The following INPP4B variants were observed in gnomAD, a reference collection of about 807,000 sequenced individuals.
INPP4B encodes inositol polyphosphate-4-phosphatase type II B.
Under a neutral mutation model 122.5 loss-of-function variants are expected in INPP4B, and 55 were observed. The ratio of observed to expected loss-of-function variants is 0.45; its 90% CI spans 0.36 to 0.56. INPP4B has a LOEUF of 0.56. Ranked by LOEUF, INPP4B falls within the 20% of genes least tolerant of loss-of-function variation. The probability of loss-of-function intolerance (pLI) is 0.00; values close to 1 mark genes in which losing one functional copy is unlikely to be tolerated. For synonymous variants in INPP4B, 403 were observed against 388.7 expected, an observed-to-expected ratio of 1.04 and a Z score of -0.43; for missense variants, 1,000 against 1,097.7, an observed-to-expected ratio of 0.91 and a Z score of 1.26.
intron 7 of INPP4B, among the ~76,000 whole-genome samples, chr4:142,362,426 A>G (rs901806571): frequency 5.9e-5 from 9 of 152,020 alleles, no homozygotes; most frequent in Non-Finnish European, 8.8e-5. Flanking sequence ...AGGATATGGT[A>G]TCTTACATAA....
chr4:142,640,064 C>A (rs1750047668), intron 2 of INPP4B, among the ~76,000 whole-genome samples: 1 of 151,998 alleles, frequency 6.6e-6, no homozygotes, highest in Non-Finnish European at 1.5e-5. Flanking sequence ...CATAGGAATA[C>A]TAACCTAGAA....
chr4:142,479,758 T>C (rs1820275266), intron 2 of INPP4B, among the ~76,000 whole-genome samples: 1 of 152,040 alleles, frequency 6.6e-6, no homozygotes, highest in Non-Finnish European at 1.5e-5. Flanking sequence ...AAGCTAAATA[T>C]TGAGTACACG....
intron 2 of INPP4B, among the ~76,000 whole-genome samples, chr4:142,587,170 G>A (rs1490811467): frequency 1.3e-5 from 2 of 152,158 alleles, no homozygotes; most frequent in African/African-American, 4.8e-5. Context: ...AGGGAACACA[G>A]AGGGTTATCC....
chr4:142,264,020 C>T (rs375805019), intron 10 of INPP4B, among the ~76,000 whole-genome samples: 6 of 151,942 alleles, frequency 3.9e-5, no homozygotes, highest in East Asian at 3.9e-4. Flanking sequence ...AGGGTTGGGA[C>T]GGGGAGACTC....
chr4:142,837,314 CT>C (rs900938236), intron 1 of INPP4B, among the ~76,000 whole-genome samples: 1 of 151,854 alleles, frequency 6.6e-6, no homozygotes, highest in African/African-American at 2.4e-5. Flanking sequence ...GAATATAGTA[CT>C]TTTTTTATTT....
intron 2 of INPP4B, among the ~76,000 whole-genome samples, chr4:142,631,904 C>G (rs185991943): frequency 4.2e-4 from 64 of 152,192 alleles, no homozygotes; most frequent in African/African-American, 1.5e-3. Context: ...ATTGAGGGAA[C>G]TTACAGACAG....
chr4:142,299,054 C>T (rs1436556879), intron 9 of INPP4B, among the ~76,000 whole-genome samples: 1 of 152,062 alleles, frequency 6.6e-6, no homozygotes, highest in Non-Finnish European at 1.5e-5. Context: ...GCAAAAAGCA[C>T]AGTGAGTCTT....
At chr4:142,189,458 T>C (rs1048756018) in intron 15 of INPP4B, among the ~76,000 whole-genome samples, 4 of 152,034 alleles carry the variant, frequency 2.6e-5, no homozygotes, top group Admixed American at 6.6e-5. Context: ...AGAAACGGCA[T>C]ACAAGAAAAA....
At chr4:142,777,798 C>T (rs987006311) in intron 1 of INPP4B, among the ~76,000 whole-genome samples, 6 of 152,146 alleles carry the variant, frequency 3.9e-5, no homozygotes, top group African/African-American at 9.6e-5. Context: ...TGCCCTGGGG[C>T]TCTCTATCTC....
chr4:142,744,243 A>G (rs570526775), intron 1 of INPP4B, among the ~76,000 whole-genome samples: 5 of 152,114 alleles, frequency 3.3e-5, no homozygotes, highest in African/African-American at 1.2e-4. Context: ...GAGGTGAAAG[A>G]GAAATCAGTT....
At chr4:142,219,463 C>A (rs1159047007) in intron 12 of INPP4B, among the ~76,000 whole-genome samples, 1 of 152,186 alleles carries the variant, frequency 6.6e-6, no homozygotes, top group South Asian at 2.1e-4. Flanking sequence ...AGTTATTAAA[C>A]ATGGCCAGCA....
At chr4:142,806,762 AAGAAGAAAGAAAGAAAGAAAGAAGG>A (rs1778802183) in intron 1 of INPP4B, among the ~76,000 whole-genome samples, 1 of 121,458 alleles carries the variant, frequency 8.2e-6, no homozygotes, top group Non-Finnish European at 1.7e-5. Flanking sequence ...AAGAAGAAGA[AAGAAGAAAGAAAGAAAGAAAGAAGG>A]AAAGAAAGAA....
chr4:142,152,365 G>T (rs1249171087), intron 17 of INPP4B, among the ~76,000 whole-genome samples: 2 of 151,788 alleles, frequency 1.3e-5, no homozygotes, highest in Admixed American at 1.3e-4. Context: ...GTGAGTCACC[G>T]CACCCGGCAC....
chr4:142,198,524 C>G (rs1358413983), intron 14 of INPP4B, among the ~76,000 whole-genome samples: 4 of 151,234 alleles, frequency 2.6e-5, no homozygotes, highest in African/African-American at 7.3e-5. Context: ...TGCTTTTTCC[C>G]TATTTTTACT....
At chr4:142,120,935 C>T (rs1578979042) in intron 21 of INPP4B, among the ~76,000 whole-genome samples, 1 of 152,066 alleles carries the variant, frequency 6.6e-6, no homozygotes, top group African/African-American at 2.4e-5. Flanking sequence ...CTCACTTCAT[C>T]ATTCTAGGAG....
chr4:142,653,516 C>G (rs1263217541), intron 2 of INPP4B, among the ~76,000 whole-genome samples: 1 of 152,006 alleles, frequency 6.6e-6, no homozygotes, highest in Admixed American at 6.6e-5. Flanking sequence ...AGAACTCCAA[C>G]AAATTTACAA....
chr4:142,257,460 G>A (rs1320682051), intron 11 of INPP4B, among the ~76,000 whole-genome samples: 5 of 151,860 alleles, frequency 3.3e-5, no homozygotes, highest in African/African-American at 1.2e-4. Context: ...AAAACCCCAT[G>A]GTCTCAGCCC....
intron 1 of INPP4B, among the ~76,000 whole-genome samples, chr4:142,845,231 C>G (rs184390055): frequency 6.6e-6 from 1 of 152,142 alleles, no homozygotes; most frequent in African/African-American, 2.4e-5. Flanking sequence ...CCCTCTCCAC[C>G]GACTCCCCAG....
At chr4:142,555,179 T>A (rs1728872694) in intron 2 of INPP4B, among the ~76,000 whole-genome samples, 1 of 152,200 alleles carries the variant, frequency 6.6e-6, no homozygotes, top group Non-Finnish European at 1.5e-5. Flanking sequence ...AGATGGGTTA[T>A]GAGACAGAGT....
Sources: gnomAD v4.1 joint callset for allele counts (sites outside exome capture counted in the v4.1 genomes callset) on GRCh38, gnomAD v4.1.1 for gene constraint, MANE v1.5 for transcripts, NCBI Gene and HGNC (gene_info 2026-07-23, HGNC 2026-07-21) for gene names.